MSRB3: variants seen among roughly 807,000 people sequenced by gnomAD.
MSRB3 encodes methionine sulfoxide reductase B3, also known as methionine-R-sulfoxide reductase B3.
Under a neutral mutation model 21.0 loss-of-function variants are expected in MSRB3, and 13 were observed. That is an observed-to-expected ratio of 0.62 (90% CI 0.40 to 0.98). The LOEUF is 0.98. Among genes scored for constraint, MSRB3 ranks in the 50% least tolerant of loss-of-function variants. MSRB3 has a pLI of 0.00. For missense variants in MSRB3, 199 were observed against 230.3 expected (o/e 0.86, Z 0.88); for synonymous variants, 87 against 88.6 (o/e 0.98, Z 0.10).
chr12:65,280,825 T>G (rs1351993883), intron 1 of MSRB3, among the ~76,000 whole-genome samples: 2 of 152,242 alleles, frequency 1.3e-5, no homozygotes, highest in African/African-American at 4.8e-5. Context: ...TGTTAATCCA[T>G]TAAGTCAGAA....
chr12:65,430,115 G>A (rs1406433063), intron 5 of MSRB3, among the ~76,000 whole-genome samples: 2 of 151,952 alleles, frequency 1.3e-5, no homozygotes, highest in East Asian at 1.9e-4. Context: ...AAGGATGTAA[G>A]TGCTGGTTTG....
At chr12:65,371,966 A>G (rs1208388915) in intron 5 of MSRB3, among the ~76,000 whole-genome samples, 1 of 152,160 alleles carries the variant, frequency 6.6e-6, no homozygotes, top group Non-Finnish European at 1.5e-5. Context: ...TAGCACCCAT[A>G]TAGTCATCCT....
chr12:65,410,030 A>T (rs760266642), intron 5 of MSRB3, among the ~76,000 whole-genome samples: 23 of 151,844 alleles, frequency 1.5e-4, no homozygotes, highest in Non-Finnish European at 3.4e-4. Context: ...TTCATTCTTT[A>T]TGATATCTGG....
intron 1 of MSRB3, among the ~76,000 whole-genome samples, chr12:65,298,113 C>A (rs1410934240): frequency 3.3e-5 from 5 of 152,088 alleles, no homozygotes; most frequent in Non-Finnish European, 7.3e-5. Context: ...AAGCAATCCT[C>A]CCGCCTCAGC....
At chr12:65,291,513 GC>G (rs1440503761) in intron 1 of MSRB3, among the ~76,000 whole-genome samples, 1 of 147,592 alleles carries the variant, frequency 6.8e-6, no homozygotes, top group Non-Finnish European at 1.5e-5. Context: ...GCTCAAACCT[GC>G]CCCCACCCAA....
chr12:65,383,860 T>C (rs1443774480), intron 5 of MSRB3, among the ~76,000 whole-genome samples: 2 of 152,160 alleles, frequency 1.3e-5, no homozygotes, highest in African/African-American at 2.4e-5. Flanking sequence ...GGTTTCGCCA[T>C]GTTGGCCAGG....
chr12:65,443,994 G>A (rs1241297953), intron 5 of MSRB3, among the ~76,000 whole-genome samples: 2 of 152,034 alleles, frequency 1.3e-5, no homozygotes, highest in South Asian at 2.1e-4. Flanking sequence ...TGAAATATGT[G>A]ATATTTTCTT....
In MSRB3 at chr12:65,308,624, A is replaced by T. The variant is rs1381741115; in HGVS notation, c.45A>T (p.Pro15=). ...NLLHLVTKSQ[P]VALRACGLPS... ...TGCATTTGGTGACAAAGAGCCAGCC[A>T]GTAGCCCTTCGAGCCTGTGGGCTTC... Residue 15 remains proline, a synonymous_variant, in exon 2 of 7, where the codon CCA becomes CCT. Transcript: ENST00000308259. 3.1e-6 allele frequency: 5 copies of T among 1,614,040 alleles called. No individual in the cohort carries two copies. In the Admixed American group the frequency reaches 8.3e-5, roughly 27 times the overall value.
At chr12:65,460,975 T>C (rs1592658587) in intron 6 of MSRB3, among the ~76,000 whole-genome samples, 1 of 151,684 alleles carries the variant, frequency 6.6e-6, no homozygotes, top group Non-Finnish European at 1.5e-5. Flanking sequence ...ATTTTTGGTG[T>C]AGAATAAATA....
intron 5 of MSRB3, among the ~76,000 whole-genome samples, chr12:65,444,354 A>G (rs1201437508): frequency 6.6e-6 from 1 of 152,242 alleles, no homozygotes; most frequent in Non-Finnish European, 1.5e-5. Context: ...CAACAAACAA[A>G]TTAAAAATAA....
chr12:65,421,936 A>G (rs1431900545), intron 5 of MSRB3, among the ~76,000 whole-genome samples: 1 of 152,196 alleles, frequency 6.6e-6, no homozygotes, highest in Non-Finnish European at 1.5e-5. Context: ...ACAGAATGGC[A>G]AGCTGGATAA....
chr12:65,463,259 T>A lies in MSRB3; in HGVS notation c.495T>A (p.Ser165Arg), dbSNP rs1268261217. Reference protein sequence around the residue: ...AALSFTPADSSGTAEGGSGVA... With the variant: ...AALSFTPADSRGTAEGGSGVA... ...TGTCTTTTACACCTGCGGATAGCAG[T>A]GGCACCGCCGAGGGAGGCAGTGGGG... The change falls in exon 7 of 7, where the codon AGT (serine) becomes AGA (arginine). Residue 165 changes from serine (S) to arginine (R), a missense_variant. Transcript: ENST00000308259. The A allele has an allele frequency of 1.2e-6, 2 of 1,614,178 alleles. No homozygotes were observed. Among genetic ancestry groups the A allele is most frequent in the Admixed American group, 3.3e-5 (2 of 60,024 alleles).
At chr12:65,357,582 T>G (rs1460729946) in intron 4 of MSRB3, among the ~76,000 whole-genome samples, 1 of 151,944 alleles carries the variant, frequency 6.6e-6, no homozygotes, top group Non-Finnish European at 1.5e-5. Flanking sequence ...CCTAATGTCC[T>G]TTTTCTGTTC....
chr12:65,374,805 T>G (rs1565861530), intron 5 of MSRB3, among the ~76,000 whole-genome samples: 1 of 152,208 alleles, frequency 6.6e-6, no homozygotes, highest in Non-Finnish European at 1.5e-5. Context: ...CAGGATCCTA[T>G]TCAAGATTAG....
chr12:65,322,132 A>G (rs1874709939), intron 2 of MSRB3, among the ~76,000 whole-genome samples: 1 of 152,190 alleles, frequency 6.6e-6, no homozygotes, highest in South Asian at 2.1e-4. Context: ...AAGCCTTTCA[A>G]CGTTTCATAG....
intron 1 of MSRB3, among the ~76,000 whole-genome samples, chr12:65,307,778 ATAT>A (rs1434410963): frequency 2.0e-5 from 3 of 152,198 alleles, no homozygotes; most frequent in African/African-American, 7.2e-5. Flanking sequence ...TAAATCATGA[ATAT>A]TATTCACAGG....
intron 1 of MSRB3, among the ~76,000 whole-genome samples, chr12:65,304,521 A>G (rs1873532423): frequency 6.6e-6 from 1 of 152,282 alleles, no homozygotes; most frequent in South Asian, 2.1e-4. Context: ...TAGGTTGGGT[A>G]TGGTGGCTCA....
chr12:65,386,086 T>C (rs890225762), intron 5 of MSRB3, among the ~76,000 whole-genome samples: 4 of 151,954 alleles, frequency 2.6e-5, no homozygotes, highest in South Asian at 2.1e-4. Context: ...CCATTAAGCA[T>C]TACAGCATCA....
At chr12:65,289,057 C>T (rs1872543638) in intron 1 of MSRB3, among the ~76,000 whole-genome samples, 1 of 152,202 alleles carries the variant, frequency 6.6e-6, no homozygotes, top group South Asian at 2.1e-4. Flanking sequence ...CACACATTTC[C>T]TGTACTCAGA....
Sources: allele counts gnomAD v4.1 joint callset (sites outside exome capture counted in the v4.1 genomes callset), GRCh38; gene constraint gnomAD v4.1.1; transcripts MANE v1.5; gene names NCBI Gene and HGNC (gene_info 2026-07-23, HGNC 2026-07-21).